The following EPHA7 variants were observed in gnomAD, a reference collection of about 807,000 sequenced individuals.
The protein encoded by EPHA7 is ephrin type-A receptor 7.
A neutral mutation model predicts 112.6 loss-of-function variants in EPHA7; 25 were observed. The ratio of observed to expected loss-of-function variants is 0.22; its 90% CI spans 0.16 to 0.31. The LOEUF (loss-of-function observed/expected upper bound fraction) is 0.31. EPHA7 is among the 10% of genes least tolerant of loss of function. The pLI is 1.00. For missense variants in EPHA7, 962 were observed against 1,212.6 expected (o/e 0.79, Z 3.07); for synonymous variants, 437 against 406.5 (o/e 1.07, Z -0.90).
At chr6:93,415,317 A>G (rs9445104) in intron 1 of EPHA7, among the ~76,000 whole-genome samples, 5,550 of 152,106 alleles carry the variant, frequency 0.036, 337 homozygotes, top group African/African-American at 0.13. Flanking sequence ...GTTATCAGAA[A>G]ACCAAATTGC....
chr6:93,264,824 T>C (rs1383037554), intron 7 of EPHA7, 122 bp from the exon 8 acceptor site: 1 of 450,662 alleles, frequency 2.2e-6, no homozygotes, highest in Non-Finnish European at 3.9e-6. Context: ...TGCATTATAT[T>C]GTAACAAAGT....
intron 3 of EPHA7, among the ~76,000 whole-genome samples, chr6:93,383,195 G>A (rs13207419): frequency 0.19 from 28,439 of 150,972 alleles, 3,169 homozygotes; most frequent in Non-Finnish European, 0.25. Context: ...GTGTGTGTGT[G>A]TATATATATA....
chr6:93,256,533 C>T (rs528331191), intron 12 of EPHA7, among the ~76,000 whole-genome samples: 6 of 152,012 alleles, frequency 3.9e-5, no homozygotes, highest in Non-Finnish European at 7.4e-5. Flanking sequence ...GTAGTGGCCA[C>T]TTTGTTTCCA....
At chr6:93,415,361 A>G (rs1366794559) in intron 1 of EPHA7, among the ~76,000 whole-genome samples, 1 of 152,042 alleles carries the variant, frequency 6.6e-6, no homozygotes, top group Non-Finnish European at 1.5e-5. Context: ...AGGTTAGTCA[A>G]GCATCAGTTT....
chr6:93,332,657 A>C (rs538793384), intron 5 of EPHA7, among the ~76,000 whole-genome samples: 9 of 151,744 alleles, frequency 5.9e-5, no homozygotes, highest in Non-Finnish European at 1.3e-4. Context: ...AGACAAAAGC[A>C]AGAGCTATTT....
chr6:93,332,636 T>G (rs1439236903), intron 5 of EPHA7, among the ~76,000 whole-genome samples: 1 of 151,698 alleles, frequency 6.6e-6, no homozygotes, highest in Non-Finnish European at 1.5e-5. Context: ...TTAATACATC[T>G]CAAATTCTGA....
rs1326706133 is a variant in EPHA7 at position 93,282,970 on chromosome 6, A to G, written c.1325-10548T>C. ...TCCACCGTGCCTAGTCCCATCGACC[A>G]CCCAAGGGCTGAGGAGTGCAGGAGC... On this transcript the variant is annotated intron_variant, in intron 5 of 16. Coordinates refer to ENST00000369303, the MANE Select transcript of EPHA7 (RefSeq NM_004440.4). 7.9e-5 allele frequency among the ~76,000 whole-genome samples: 12 copies of G among 152,016 alleles called. 1 individual carries two copies. Among genetic ancestry groups the G allele is most frequent in the Admixed American group, 4.6e-4 (7 of 15,280 alleles).
rs1381022481 is a variant in EPHA7, at chr6:93,241,247, G to T, written c.*2179C>A. The T allele has an allele frequency of 9.1e-6, 2 of 219,018 alleles. No individual in the cohort carries two copies. Among genetic ancestry groups the T allele is most frequent in the South Asian group, 1.9e-4 (1 of 5,394 alleles). 13.6% of individuals were successfully genotyped at this position (219,018 alleles called of 1,614,324 possible). On this transcript the variant is annotated 3_prime_UTR_variant, in exon 17 of 17. Coordinates refer to ENST00000369303, the MANE Select transcript of EPHA7 (RefSeq NM_004440.4). ...GCACCTTAAGCTATGAACAAGAAAA[G>T]AACTTCATTATTAGTGAGTCTAGAA...
chr6:93,337,357 A>G (rs932458497), intron 5 of EPHA7, among the ~76,000 whole-genome samples: 1 of 152,132 alleles, frequency 6.6e-6, no homozygotes, highest in East Asian at 1.9e-4. Context: ...ACAAAAGTCT[A>G]TTTTTATTCT....
At chr6:93,344,119 C>T (rs1398591485) in intron 5 of EPHA7, among the ~76,000 whole-genome samples, 1 of 142,794 alleles carries the variant, frequency 7.0e-6, no homozygotes, top group African/African-American at 2.4e-5. Flanking sequence ...GTCTATCTAT[C>T]TATCTATCAT....
intron 5 of EPHA7, among the ~76,000 whole-genome samples, chr6:93,311,608 T>C (rs978397948): frequency 2.0e-5 from 3 of 152,102 alleles, no homozygotes; most frequent in Admixed American, 6.5e-5. Flanking sequence ...CTCACCATCA[T>C]CCACAAGGGT....
chr6:93,359,659 A>T (rs967911649), intron 3 of EPHA7, among the ~76,000 whole-genome samples: 13 of 152,134 alleles, frequency 8.5e-5, no homozygotes, highest in African/African-American at 3.1e-4. Flanking sequence ...TCCAGAAAAC[A>T]GTTGAGTCAT....
chr6:93,295,360 T>G lies in EPHA7; in HGVS notation c.1325-22938A>C, dbSNP rs139596452. ...TATGTCTTAAGTAATTTTTCATTGC[T>G]CTCCATTTTGGTAGTTTCTGTAATT... On this transcript the variant is annotated intron_variant, in intron 5 of 16. Transcript: ENST00000369303. 4.0e-3 allele frequency among the ~76,000 whole-genome samples: 602 copies of G among 151,892 alleles called. 5 individuals are homozygous for G. Among genetic ancestry groups the G allele is most frequent in the African/African-American group, 0.013 (542 of 41,546 alleles).
In EPHA7 at chr6:93,297,976, C is replaced by T; in HGVS notation, c.1325-25554G>A. Among the ~76,000 whole-genome samples the T allele has an allele frequency of 1.3e-5, 2 of 152,108 alleles. 1 individual carries two copies. The highest frequency in any genetic ancestry group is 2.9e-5 in the Non-Finnish European group (2 of 68,014). ...GAAACAAAAGTAGCCCTCAGTGCAG[C>T]AAACTTTAGCTTTAAATAAGTATCA... On this transcript the variant is annotated intron_variant, in intron 5 of 16. Coordinates refer to ENST00000369303, the MANE Select transcript of EPHA7 (RefSeq NM_004440.4).
At chr6:93,418,193 T>C (rs960727555) in intron 1 of EPHA7, among the ~76,000 whole-genome samples, 1 of 151,852 alleles carries the variant, frequency 6.6e-6, no homozygotes, top group Non-Finnish European at 1.5e-5. Context: ...GGGGATGGGA[T>C]TGTGACACTG....
At chr6:93,412,964 G>A (rs1230966907) in intron 2 of EPHA7, among the ~76,000 whole-genome samples, 1 of 151,692 alleles carries the variant, frequency 6.6e-6, no homozygotes, top group Non-Finnish European at 1.5e-5. Flanking sequence ...TATTCCAGAG[G>A]GGAATGCTTC....
At chr6:93,260,115 T>C (rs1360284943) in intron 9 of EPHA7, among the ~76,000 whole-genome samples, 1 of 151,862 alleles carries the variant, frequency 6.6e-6, no homozygotes, top group Non-Finnish European at 1.5e-5. Context: ...ATATACAAAA[T>C]GCAGAGTAAA....
intron 3 of EPHA7, among the ~76,000 whole-genome samples, chr6:93,373,784 C>G (rs1393499986): frequency 6.6e-6 from 1 of 150,978 alleles, no homozygotes; most frequent in East Asian, 1.9e-4. Context: ...TTCGAATAAT[C>G]ACAAGCTTAA....
At chr6:93,386,173 C>T (rs1777595412) in intron 3 of EPHA7, among the ~76,000 whole-genome samples, 2 of 152,218 alleles carry the variant, frequency 1.3e-5, no homozygotes, top group African/African-American at 4.8e-5. Context: ...AAAGACTTAA[C>T]TCATTCCAGC....
Sources: gnomAD v4.1 joint callset for allele counts (sites outside exome capture counted in the v4.1 genomes callset) on GRCh38, gnomAD v4.1.1 for gene constraint, MANE v1.5 for transcripts, NCBI Gene and HGNC (gene_info 2026-07-23, HGNC 2026-07-21) for gene names.